Variants in NLGN4X observed in about 807,000 individuals in gnomAD.
NLGN4X encodes the protein neuroligin-4, X-linked.
In NLGN4X, 3 loss-of-function variants were observed where a neutral mutation model predicts 40.3. That is an observed-to-expected ratio of 0.07 (90% CI 0.03 to 0.19). The LOEUF (loss-of-function observed/expected upper bound fraction) is 0.19, where lower values mean the gene tolerates loss of function less well. Ranked by LOEUF, NLGN4X falls within the 10% of genes least tolerant of loss-of-function variation. The pLI is 1.00. For missense variants in NLGN4X, 382 were observed against 708.3 expected, an observed-to-expected ratio of 0.54 and a Z score of 5.23; for synonymous variants, 270 against 306.8, an observed-to-expected ratio of 0.88 and a Z score of 1.25.
In NLGN4X at chrX:6,165,861, CAT is replaced by C. The variant is rs983873095; in HGVS notation, c.-305-14092_-305-14091del. The stretch of plus-strand genomic sequence containing the variant: ...TACATAGCAGGTGTATATACATATA[CAT>C]ATATATATATATGGGGCACATGAGT... On this transcript the variant is annotated intron_variant, in intron 1 of 5. Transcript: ENST00000381095. Among the ~76,000 whole-genome samples the C allele has an allele frequency of 1.3e-4, 14 of 109,012 alleles. No homozygotes were observed. The East Asian group carries it at 3.1e-3, about 24-fold the overall frequency. The allele number at this position is 109,012 out of a possible 115,157, so 94.7% of individuals were successfully genotyped here. A position where few individuals can be genotyped will look rare whatever the true frequency, so the allele number is the denominator to read the frequency against.
chrX:6,097,064 A>G (rs940781504), intron 2 of NLGN4X, among the ~76,000 whole-genome samples: 4 of 110,346 alleles, frequency 3.6e-5, no homozygotes, highest in Admixed American at 9.8e-5. Context: ...ATTTATTGCT[A>G]ATTGTATAAT....
intron 3 of NLGN4X, among the ~76,000 whole-genome samples, chrX:5,945,840 A>G (rs1286032639): frequency 2.7e-5 from 3 of 111,121 alleles, no homozygotes; most frequent in Non-Finnish European, 5.7e-5. Context: ...CAATACCTGG[A>G]TGATGAAATA....
chrX:5,998,444 A>G (rs2035891210), intron 3 of NLGN4X, among the ~76,000 whole-genome samples: 1 of 110,454 alleles, frequency 9.1e-6, no homozygotes, highest in African/African-American at 3.3e-5. Context: ...ATAATTGTGC[A>G]TCTTTTTATC....
At chrX:6,101,318 C>T (rs2038903551) in intron 2 of NLGN4X, among the ~76,000 whole-genome samples, 1 of 111,340 alleles carries the variant, frequency 9.0e-6, no homozygotes, top group African/African-American at 3.3e-5. Context: ...TGTTTATATC[C>T]AAACCCCCAA....
At chrX:6,051,291 T>C (rs2037486075) in intron 2 of NLGN4X, among the ~76,000 whole-genome samples, 1 of 111,725 alleles carries the variant, frequency 9.0e-6, no homozygotes, top group African/African-American at 3.3e-5. Flanking sequence ...GTTAACTGAC[T>C]AAGCCTAGAG....
chrX:6,011,440 T>C (rs1173942821), intron 3 of NLGN4X, among the ~76,000 whole-genome samples: 1 of 110,092 alleles, frequency 9.1e-6, no homozygotes, highest in African/African-American at 3.3e-5. Flanking sequence ...GGCATGATCC[T>C]AGTAAAATTT....
chrX:6,055,693 T>C (rs1442060762), intron 2 of NLGN4X, among the ~76,000 whole-genome samples: 1 of 111,680 alleles, frequency 9.0e-6, no homozygotes, highest in Non-Finnish European at 1.9e-5. Context: ...GCAAGAGAAG[T>C]GTCATATTTT....
At chrX:6,029,177 G>C in intron 3 of NLGN4X, 103 bp downstream of exon 3, 1 of 939,434 alleles carries the variant, frequency 1.1e-6, no homozygotes, top group Non-Finnish European at 1.5e-6. Context: ...GAATTAACCA[G>C]GAACTGGAAT....
intron 1 of NLGN4X, among the ~76,000 whole-genome samples, chrX:6,207,600 G>A (rs1048250160): frequency 8.9e-6 from 1 of 111,974 alleles, no homozygotes; most frequent in Non-Finnish European, 1.9e-5. Context: ...ATGCATATGG[G>A]AAAAGAACAG....
chrX:6,072,984 C>T (rs896620879), intron 2 of NLGN4X, among the ~76,000 whole-genome samples: 2 of 112,401 alleles, frequency 1.8e-5, no homozygotes, highest in Non-Finnish European at 3.8e-5. Context: ...ACATATTCTG[C>T]ATTAGTAAAC....
chrX:6,140,457 GACACACACACACACACACACACACAC>G (rs34281533), intron 2 of NLGN4X, among the ~76,000 whole-genome samples: 4 of 96,005 alleles, frequency 4.2e-5, no homozygotes, highest in Non-Finnish European at 6.4e-5. Context: ...TTCACACACA[GACACACACACACACACACACACACAC>G]ACACACACAC....
intron 2 of NLGN4X, among the ~76,000 whole-genome samples, chrX:6,120,283 C>T (rs941211202): frequency 2.7e-5 from 3 of 111,850 alleles, no homozygotes; most frequent in Non-Finnish European, 5.6e-5. Context: ...TACCCCCATA[C>T]GAACACTGTT....
intron 3 of NLGN4X, among the ~76,000 whole-genome samples, chrX:5,955,780 GTTAGA>G (rs1264469237): frequency 7.3e-5 from 7 of 96,148 alleles, no homozygotes; most frequent in African/African-American, 1.5e-4. Flanking sequence ...TTCAATATTT[GTTAGA>G]TTAAAGGAAA....
rs763045945 is a variant in NLGN4X at position 6,026,122 on chromosome X, T to C, written c.625+3158A>G. On this transcript the variant is annotated intron_variant, in intron 3 of 5. Coordinates refer to ENST00000381095, the MANE Select transcript of NLGN4X (RefSeq NM_181332.3). Reference sequence around the variant, plus strand: ...GGTAGAGGAAAGTTGTTAGCTCCTGTCTGTCTCTGGCTGCGATCTACATTC... The same window carrying C: ...GGTAGAGGAAAGTTGTTAGCTCCTGCCTGTCTCTGGCTGCGATCTACATTC... 9.1e-5 allele frequency among the ~76,000 whole-genome samples: 10 copies of C among 110,095 alleles called. No individual in the cohort carries two copies. In the East Asian group the frequency reaches 2.3e-3, roughly 25 times the overall value.
intron 2 of NLGN4X, among the ~76,000 whole-genome samples, chrX:6,041,625 T>C (rs899552725): frequency 8.9e-6 from 1 of 112,614 alleles, no homozygotes; most frequent in African/African-American, 3.2e-5. Flanking sequence ...CTTCACAAGA[T>C]GAATTGTAAT....
At chrX:6,026,294 A>G (rs2036693584) in intron 3 of NLGN4X, among the ~76,000 whole-genome samples, 1 of 111,732 alleles carries the variant, frequency 8.9e-6, no homozygotes, top group South Asian at 3.8e-4. Flanking sequence ...TAGGAAGATA[A>G]CATTTATGCA....
rs10712021 is a variant in NLGN4X, at chrX:6,026,241, TAA to T, written c.625+3037_625+3038del. ...CAGAGAATAGCATTTGTTACTCCAT[TAA>T]AAAAAAAAAATCTTAAAACAATATT... On this transcript the variant is annotated intron_variant, in intron 3 of 5. Coordinates refer to ENST00000381095, the MANE Select transcript of NLGN4X (RefSeq NM_181332.3). Among the ~76,000 whole-genome samples the T allele has an allele frequency of 3.1e-3, 322 of 105,294 alleles. 1 individual carries two copies. Among genetic ancestry groups the T allele is most frequent in the Admixed American group, 9.2e-3 (89 of 9,724 alleles). The allele number at this position is 105,294 out of a possible 115,157, so 91.4% of individuals were successfully genotyped here.
intron 2 of NLGN4X, among the ~76,000 whole-genome samples, chrX:6,137,407 C>G (rs1420275868): frequency 9.0e-6 from 1 of 111,651 alleles, no homozygotes; most frequent in Non-Finnish European, 1.9e-5. Flanking sequence ...TCCTAGGCAC[C>G]AGGAGTTAAG....
intron 2 of NLGN4X, among the ~76,000 whole-genome samples, chrX:6,064,996 G>A (rs1278648441): frequency 9.0e-6 from 1 of 111,646 alleles, no homozygotes; most frequent in Non-Finnish European, 1.9e-5. Context: ...ATTATCTTAA[G>A]AGAACTAATG....
Sources: allele counts gnomAD v4.1 joint callset (sites outside exome capture counted in the v4.1 genomes callset), GRCh38; gene constraint gnomAD v4.1.1; transcripts MANE v1.5; gene names NCBI Gene and HGNC (gene_info 2026-07-23, HGNC 2026-07-21).